The following ERI1 variants were observed in gnomAD, a reference collection of about 807,000 sequenced individuals.
The protein encoded by ERI1 is exoribonuclease 1.
ERI1 carries 39 observed loss-of-function variants against 39.7 expected under a neutral mutation model. That is an observed-to-expected ratio of 0.98 (90% CI 0.76 to 1.28). ERI1 has a LOEUF of 1.28. Ranked by LOEUF, ERI1 falls within the 50% of genes most tolerant of loss-of-function variation. The pLI, the probability that ERI1 is intolerant of heterozygous loss-of-function variation, is 0.00. For missense variants in ERI1, 581 were observed against 416.9 expected (o/e 1.39, Z -3.43); for synonymous variants, 204 against 149.6 (o/e 1.36, Z -2.65).
At chr8:9,016,271 G>T in intron 3 of ERI1, 51 bp from the exon 4 acceptor site, 1 of 1,149,156 alleles carries the variant, frequency 8.7e-7, no homozygotes, top group Non-Finnish European at 1.3e-6. Flanking sequence ...ATCATGTATC[G>T]TGTATCTTAA....
At chr8:9,058,803 G>A (rs1798592597) in intron 3 of ERI1, among the ~76,000 whole-genome samples, 1 of 150,700 alleles carries the variant, frequency 6.6e-6, no homozygotes, top group African/African-American at 2.4e-5. Flanking sequence ...CTGTGAAATA[G>A]GCCAAAAAAA....
intron 5 of ERI1, among the ~76,000 whole-genome samples, chr8:9,019,794 G>A (rs1034826565): frequency 6.6e-6 from 1 of 152,140 alleles, no homozygotes; most frequent in Non-Finnish European, 1.5e-5. Context: ...TCCTGCTGAA[G>A]TTTATAATTT....
chr8:9,016,490 T>TG, intron 4 of ERI1, 85 bp downstream of exon 4: 1 of 749,346 alleles, frequency 1.3e-6, no homozygotes, highest in Non-Finnish European at 2.1e-6. Flanking sequence ...AAAAAAATTA[T>TG]TACTGTTGTG....
At chr8:9,005,806 TTAAAG>T (rs2117173536) in intron 1 of ERI1, among the ~76,000 whole-genome samples, 1 of 152,354 alleles carries the variant, frequency 6.6e-6, no homozygotes, top group Admixed American at 6.5e-5. Context: ...AACGACAGTT[TTAAAG>T]TAGTTTGCCA....
intron 3 of ERI1, among the ~76,000 whole-genome samples, chr8:9,044,891 G>T (rs1798129659): frequency 6.6e-6 from 1 of 152,022 alleles, no homozygotes; most frequent in Non-Finnish European, 1.5e-5. Context: ...GATTTCACAT[G>T]GTGAGAACTG....
chr8:9,041,104 G>A (rs1198650151), intron 3 of ERI1, among the ~76,000 whole-genome samples: 1 of 152,160 alleles, frequency 6.6e-6, no homozygotes, highest in Non-Finnish European at 1.5e-5. Context: ...TGCCTAAAAC[G>A]CATGAAGAGT....
At chr8:9,003,683 A>C (rs17155093) in intron 1 of ERI1, among the ~76,000 whole-genome samples, 6,950 of 152,222 alleles carry the variant, frequency 0.046, 490 homozygotes, top group African/African-American at 0.15. Flanking sequence ...ACCATAGTAT[A>C]AGATTGAATG....
chr8:9,043,528 A>G (rs917971828), intron 3 of ERI1, among the ~76,000 whole-genome samples: 1 of 152,236 alleles, frequency 6.6e-6, no homozygotes, highest in Admixed American at 6.5e-5. Context: ...AAATCTTTTC[A>G]TCATCCATGA....
At chr8:9,042,216 G>T (rs1300795260) in intron 3 of ERI1, among the ~76,000 whole-genome samples, 1 of 152,172 alleles carries the variant, frequency 6.6e-6, no homozygotes, top group Non-Finnish European at 1.5e-5. Context: ...TGCATTGCCA[G>T]AATGCCTCAC....
Position 9,032,597 on chromosome 8 carries a change from C to T in ERI1, c.*2563C>T, listed in dbSNP as rs1479950526. 1 of 152,108 alleles carries T rather than the reference C, an allele frequency of 6.6e-6. No homozygotes were observed. The highest frequency in any genetic ancestry group is 1.5e-5 in the Non-Finnish European group (1 of 68,030). The allele number at this position is 152,108 out of a possible 1,614,324, so 9.4% of individuals were successfully genotyped here. A position where few individuals can be genotyped will look rare whatever the true frequency, so the allele number is the denominator to read the frequency against. On this transcript the variant is annotated 3_prime_UTR_variant, in exon 7 of 7. Coordinates refer to ENST00000250263, the MANE Select transcript of ERI1 (RefSeq NM_153332.4). ...AACAAAAAAACACAGGCGTCACAAG[C>T]ATGTTACCTATTAAGAGAGAGAGGG...
At chr8:9,016,498 G>C (rs978638026) in intron 4 of ERI1, 93 bp downstream of exon 4, 5 of 626,942 alleles carry the variant, frequency 8.0e-6, no homozygotes, top group Non-Finnish European at 1.3e-5. Context: ...TATTACTGTT[G>C]TGAACAATTT....
chr8:9,061,758 G>A (rs1343706210), intron 3 of ERI1, among the ~76,000 whole-genome samples: 1 of 152,074 alleles, frequency 6.6e-6, no homozygotes, highest in East Asian at 1.9e-4. Flanking sequence ...GGTAACAGAT[G>A]AGGAAGACAT....
chr8:9,020,298 A>G (rs1294855156), intron 5 of ERI1, 52 bp from the exon 6 acceptor site: 1 of 916,496 alleles, frequency 1.1e-6, no homozygotes, highest in Non-Finnish European at 1.6e-6. Flanking sequence ...CTCATTTGTA[A>G]GAATAGCATA....
At chr8:9,065,158 G>C (rs967791465) in intron 3 of ERI1, among the ~76,000 whole-genome samples, 3 of 152,174 alleles carry the variant, frequency 2.0e-5, no homozygotes, top group African/African-American at 7.2e-5. Context: ...CAGGCCACAG[G>C]GGATATGATG....
intron 3 of ERI1, among the ~76,000 whole-genome samples, chr8:9,097,357 C>G (rs1799908575): frequency 6.6e-6 from 1 of 152,148 alleles, no homozygotes; most frequent in Non-Finnish European, 1.5e-5. Flanking sequence ...CAGGGCCTCT[C>G]TTCAGAAGTA....
intron 1 of ERI1, 51 bp from the exon 2 acceptor site, chr8:9,007,919 A>C: frequency 7.8e-6 from 12 of 1,544,888 alleles, no homozygotes; most frequent in Non-Finnish European, 1.0e-5. Flanking sequence ...TGTTTGTACT[A>C]ATTATAAACT....
chr8:9,009,508 T>C (rs927311508), intron 2 of ERI1, among the ~76,000 whole-genome samples: 7 of 152,180 alleles, frequency 4.6e-5, no homozygotes, highest in African/African-American at 1.7e-4. Flanking sequence ...CAACCAAAGT[T>C]ATAGGACATA....
chr8:9,013,736 C>T (rs1017646198), intron 3 of ERI1, among the ~76,000 whole-genome samples: 1 of 152,148 alleles, frequency 6.6e-6, no homozygotes, highest in African/African-American at 2.4e-5. Flanking sequence ...CCTCCTGTAG[C>T]CTGGGGGATG....
intron 3 of ERI1, among the ~76,000 whole-genome samples, chr8:9,096,263 T>G (rs963344145): frequency 6.6e-6 from 1 of 152,202 alleles, no homozygotes; most frequent in African/African-American, 2.4e-5. Flanking sequence ...CCAGGTCCTC[T>G]AAGGGTTTCC....
Sources: gnomAD v4.1 joint callset for allele counts (sites outside exome capture counted in the v4.1 genomes callset) on GRCh38, gnomAD v4.1.1 for gene constraint, MANE v1.5 for transcripts, NCBI Gene and HGNC (gene_info 2026-07-23, HGNC 2026-07-21) for gene names.